Variants in CACNA2D3 observed in about 807,000 individuals in gnomAD.
The protein encoded by CACNA2D3 is voltage-dependent calcium channel subunit alpha-2/delta-3.
A neutral mutation model predicts 160.6 loss-of-function variants in CACNA2D3; 60 were observed. That is an observed-to-expected ratio of 0.37 (90% confidence interval 0.30 to 0.46). The LOEUF is 0.46. CACNA2D3 is among the 20% of genes least tolerant of loss of function. CACNA2D3 has a pLI of 1.00. For missense variants in CACNA2D3, 1,205 were observed against 1,365.0 expected, an observed-to-expected ratio of 0.88 and a Z score of 1.85; for synonymous variants, 558 against 492.9, an observed-to-expected ratio of 1.13 and a Z score of -1.75.
chr3:55,038,490 G>A (rs1559470838), intron 35 of CACNA2D3, among the ~76,000 whole-genome samples: 1 of 152,052 alleles, frequency 6.6e-6, no homozygotes. Flanking sequence ...TGCATCTACA[G>A]GTGTGAACAT....
chr3:54,846,312 C>G, intron 16 of CACNA2D3, 81 bp from the exon 17 acceptor site: 1 of 842,098 alleles, frequency 1.2e-6, no homozygotes, highest in South Asian at 1.6e-5. Flanking sequence ...CTGTAAATTA[C>G]TAAATGCCGG....
intron 11 of CACNA2D3, among the ~76,000 whole-genome samples, chr3:54,709,361 TCTC>T (rs954488471): frequency 2.4e-5 from 2 of 81,796 alleles, no homozygotes; most frequent in African/African-American, 8.3e-5. Flanking sequence ...CCTCTCTCTC[TCTC>T]TTTTTTTTTT....
At chr3:54,296,780 A>G (rs569924409) in intron 2 of CACNA2D3, among the ~76,000 whole-genome samples, 1 of 152,346 alleles carries the variant, frequency 6.6e-6, no homozygotes, top group Non-Finnish European at 1.5e-5. Context: ...CTAAAAAGCC[A>G]ACTGAGAGAA....
At chr3:54,148,605 A>G (rs1184440745) in intron 2 of CACNA2D3, among the ~76,000 whole-genome samples, 1 of 152,190 alleles carries the variant, frequency 6.6e-6, no homozygotes, top group Non-Finnish European at 1.5e-5. Flanking sequence ...AGTGGACCAC[A>G]GGTGGCTGTG....
At chr3:54,487,645 T>C (rs1376750312) in intron 4 of CACNA2D3, among the ~76,000 whole-genome samples, 1 of 152,150 alleles carries the variant, frequency 6.6e-6, no homozygotes, top group Non-Finnish European at 1.5e-5. Flanking sequence ...AAGTTTCTAA[T>C]GGAGGAGATA....
intron 35 of CACNA2D3, among the ~76,000 whole-genome samples, chr3:55,030,289 A>G (rs776395783): frequency 1.3e-5 from 2 of 152,140 alleles, no homozygotes; most frequent in Admixed American, 1.3e-4. Flanking sequence ...ATAAAAACCA[A>G]TTTCTTTCCA....
intron 2 of CACNA2D3, among the ~76,000 whole-genome samples, chr3:54,280,634 A>T (rs1008106253): frequency 6.6e-6 from 1 of 152,158 alleles, no homozygotes; most frequent in Non-Finnish European, 1.5e-5. Flanking sequence ...AGTTTGGAGC[A>T]TGCCTGCCAC....
intron 4 of CACNA2D3, among the ~76,000 whole-genome samples, chr3:54,498,689 T>G (rs977183962): frequency 1.3e-5 from 2 of 151,982 alleles, no homozygotes; most frequent in Non-Finnish European, 2.9e-5. Flanking sequence ...TTGAAATTTT[T>G]TTCTTCTATA....
At chr3:54,587,578 T>A (rs6445702) in intron 9 of CACNA2D3, among the ~76,000 whole-genome samples, 111,645 of 151,908 alleles carry the variant, frequency 0.73, 41,941 homozygotes, top group African/African-American at 0.87. Flanking sequence ...TAAAAAAATT[T>A]AAAAAAATAA....
intron 4 of CACNA2D3, among the ~76,000 whole-genome samples, chr3:54,452,300 G>A (rs1482256223): frequency 6.6e-6 from 1 of 152,200 alleles, no homozygotes; most frequent in African/African-American, 2.4e-5. Context: ...CAGATCTCAT[G>A]AGACTTACTC....
At chr3:54,751,664 T>G (rs980540875) in intron 11 of CACNA2D3, among the ~76,000 whole-genome samples, 1 of 152,150 alleles carries the variant, frequency 6.6e-6, no homozygotes, top group African/African-American at 2.4e-5. Flanking sequence ...ATAGGAGCAC[T>G]TGACCCATCA....
chr3:54,319,990 C>T (rs572685660), intron 2 of CACNA2D3, among the ~76,000 whole-genome samples: 52 of 152,224 alleles, frequency 3.4e-4, no homozygotes, highest in Non-Finnish European at 5.3e-4. Context: ...ACATAGACAA[C>T]GCTGTTGGAA....
chr3:54,265,133 G>A (rs1034750880), intron 2 of CACNA2D3, among the ~76,000 whole-genome samples: 2 of 152,100 alleles, frequency 1.3e-5, no homozygotes, highest in African/African-American at 2.4e-5. Flanking sequence ...TGGTATTTCT[G>A]GTTCTAGATC....
At chr3:54,513,355 T>C (rs1440197357) in intron 5 of CACNA2D3, among the ~76,000 whole-genome samples, 1 of 152,220 alleles carries the variant, frequency 6.6e-6, no homozygotes, top group Non-Finnish European at 1.5e-5. Context: ...CTTAGTCAAC[T>C]GATGCCTCCA....
chr3:54,976,605 C>A (rs1395144050), intron 29 of CACNA2D3, among the ~76,000 whole-genome samples: 1 of 152,126 alleles, frequency 6.6e-6, no homozygotes, highest in Non-Finnish European at 1.5e-5. Context: ...TGCCATCCTC[C>A]TTATTCTTCT....
At chr3:54,380,565 T>A (rs1194019277) in intron 3 of CACNA2D3, among the ~76,000 whole-genome samples, 2 of 151,902 alleles carry the variant, frequency 1.3e-5, no homozygotes, top group Non-Finnish European at 2.9e-5. Context: ...AGTGAAATCC[T>A]GTCTCTACTA....
Position 54,444,264 on chromosome 3 carries a change from C to CT in CACNA2D3, c.381+57497dup, listed in dbSNP as rs539754843. ...AATTTGAGGAAAATGTCCCAGACAC[C>CT]TTTTTTTCTAGCATCTTCCTTACCA... On this transcript the variant is annotated intron_variant, in intron 4 of 37. Transcript: ENST00000474759. Among the ~76,000 whole-genome samples, 90 of 152,280 alleles carry CT rather than the reference C, an allele frequency of 5.9e-4. 1 individual carries two copies. The highest frequency in any genetic ancestry group is 3.4e-3 in the Middle Eastern group (1 of 294).
intron 2 of CACNA2D3, among the ~76,000 whole-genome samples, chr3:54,256,592 C>T (rs933928325): frequency 3.9e-5 from 6 of 152,022 alleles, no homozygotes; most frequent in African/African-American, 1.4e-4. Flanking sequence ...TATGCTGCTT[C>T]CCAGAGGGTC....
chr3:54,369,490 C>A (rs1341700397), intron 3 of CACNA2D3, among the ~76,000 whole-genome samples: 1 of 152,164 alleles, frequency 6.6e-6, no homozygotes, highest in Non-Finnish European at 1.5e-5. Context: ...CAGCTGCTGT[C>A]CCCACTGGAC....
Sources: allele counts gnomAD v4.1 joint callset (sites outside exome capture counted in the v4.1 genomes callset), GRCh38; gene constraint gnomAD v4.1.1; transcripts MANE v1.5; gene names NCBI Gene and HGNC (gene_info 2026-07-23, HGNC 2026-07-21).